The following XRCC4 variants were observed in gnomAD, a reference collection of about 807,000 sequenced individuals.
XRCC4 encodes the protein DNA repair protein XRCC4.
XRCC4 carries 28 observed loss-of-function variants against 39.1 expected under a neutral mutation model. The ratio of observed to expected loss-of-function variants is 0.72; its 90% CI spans 0.53 to 0.98. The LOEUF (loss-of-function observed/expected upper bound fraction) is 0.98. Ranked by LOEUF, XRCC4 falls within the 50% of genes least tolerant of loss-of-function variation. The pLI is 0.00. For synonymous variants in XRCC4, 123 were observed against 126.4 expected (o/e 0.97, Z 0.18); for missense variants, 350 against 376.4 (o/e 0.93, Z 0.58).
At chr5:83,173,861 C>T (rs975512500) in intron 3 of XRCC4, among the ~76,000 whole-genome samples, 3 of 152,110 alleles carry the variant, frequency 2.0e-5, no homozygotes, top group Non-Finnish European at 2.9e-5. Flanking sequence ...CTTAGAATCC[C>T]TTTGGGAAGA....
chr5:83,200,559 C>T (rs555274095), intron 4 of XRCC4, among the ~76,000 whole-genome samples: 1 of 151,752 alleles, frequency 6.6e-6, no homozygotes, highest in African/African-American at 2.4e-5. Context: ...TGTGTCATAC[C>T]AAATGTTAAT....
chr5:83,203,613 C>G lies in XRCC4; in HGVS notation c.544C>G (p.Leu182Val). Reference protein sequence around the residue: ...LETDLYKRFILVLNEKKTKIR... With the variant: ...LETDLYKRFIVVLNEKKTKIR... ...GACTGATCTTTATAAGCGGTTTATT[C>G]TGGTGTTGAATGAGAAGAAAACAAA... The change falls in exon 5 of 8, where the codon CTG becomes GTG. Residue 182 changes from leucine (L) to valine (V), a missense_variant. Leu to Val is a conservative substitution (Grantham distance 32). Coordinates refer to ENST00000396027, the MANE Select transcript of XRCC4 (RefSeq NM_003401.5). 1 of 1,611,408 alleles carries G rather than the reference C, an allele frequency of 6.2e-7. No individual in the cohort carries two copies. Among genetic ancestry groups the G allele is most frequent in the South Asian group, 1.1e-5 (1 of 90,296 alleles).
intron 7 of XRCC4, among the ~76,000 whole-genome samples, chr5:83,273,815 T>C (rs1754228363): frequency 6.6e-6 from 1 of 152,168 alleles, no homozygotes; most frequent in Non-Finnish European, 1.5e-5. Flanking sequence ...TTTTGGTTAC[T>C]GTAGCCTTGT....
intron 7 of XRCC4, among the ~76,000 whole-genome samples, chr5:83,298,674 AG>A (rs1466510114): frequency 6.6e-6 from 1 of 151,504 alleles, no homozygotes; most frequent in African/African-American, 2.4e-5. Flanking sequence ...CTCATCTAGT[AG>A]TTTTTATCTT....
intron 7 of XRCC4, among the ~76,000 whole-genome samples, chr5:83,338,850 A>T (rs1756670056): frequency 6.6e-6 from 1 of 152,176 alleles, no homozygotes; most frequent in Non-Finnish European, 1.5e-5. Flanking sequence ...TTCTGTATGG[A>T]TTTGATTGAC....
chr5:83,284,676 C>T (rs937970063), intron 7 of XRCC4, among the ~76,000 whole-genome samples: 2 of 151,990 alleles, frequency 1.3e-5, no homozygotes, highest in Non-Finnish European at 2.9e-5. Flanking sequence ...ACTTGAATTT[C>T]ATGTAAATAT....
At chr5:83,345,610 G>A (rs1371369025) in intron 7 of XRCC4, among the ~76,000 whole-genome samples, 7 of 152,026 alleles carry the variant, frequency 4.6e-5, no homozygotes, top group East Asian at 1.9e-4. Context: ...ACACCTTGAC[G>A]TATTTCAGAA....
intron 4 of XRCC4, chr5:83,202,042 C>T (rs1447521261): frequency 8.5e-6 from 1 of 117,830 alleles, no homozygotes; most frequent in Admixed American, 9.0e-5. Context: ...AAGTCTGTCT[C>T]AAAAAAAAAA....
intron 6 of XRCC4, among the ~76,000 whole-genome samples, chr5:83,216,542 A>G (rs1388626987): frequency 6.6e-6 from 1 of 152,176 alleles, no homozygotes; most frequent in African/African-American, 2.4e-5. Context: ...AGTAATAATA[A>G]CTCCAAACTG....
chr5:83,110,979 T>C, intron 2 of XRCC4, 49 bp from the exon 3 acceptor site: 1 of 1,522,614 alleles, frequency 6.6e-7, no homozygotes, highest in South Asian at 1.2e-5. Context: ...TTTTCTCATG[T>C]GTAGTCATTT....
chr5:83,242,162 TTGTGTGTGTG>T (rs60919474), intron 6 of XRCC4, among the ~76,000 whole-genome samples: 28 of 145,368 alleles, frequency 1.9e-4, no homozygotes, highest in South Asian at 9.0e-4. Flanking sequence ...CGTATACACA[TTGTGTGTGTG>T]TGTGTGTGTG....
At chr5:83,253,284 C>T (rs945909543) in intron 6 of XRCC4, among the ~76,000 whole-genome samples, 12 of 152,146 alleles carry the variant, frequency 7.9e-5, no homozygotes, top group South Asian at 4.1e-4. Flanking sequence ...AGGATTTGAA[C>T]GCAGGGCTAA....
At chr5:83,328,809 G>T (rs1032009556) in intron 7 of XRCC4, among the ~76,000 whole-genome samples, 15 of 152,060 alleles carry the variant, frequency 9.9e-5, no homozygotes, top group Admixed American at 9.2e-4. Flanking sequence ...ATAAAGGAAA[G>T]AATGGAGCAA....
rs1282753818 is a variant in XRCC4, at chr5:83,095,279, A to G, written c.-10-9631A>G. On this transcript the variant is annotated intron_variant, in intron 1 of 7. Transcript: ENST00000396027. ...AATCAGGCCGAGCTGCTGAATGGAC[A>G]CAGAAATTTCCTCTGATCAGCCTTG... is the stretch of plus-strand genomic sequence containing the variant. 2.0e-5 allele frequency among the ~76,000 whole-genome samples: 3 copies of G among 152,138 alleles called. No homozygotes were observed. In the East Asian group the frequency reaches 5.8e-4, roughly 29 times the overall value.
intron 6 of XRCC4, among the ~76,000 whole-genome samples, chr5:83,238,765 G>A (rs925308536): frequency 6.6e-6 from 1 of 151,872 alleles, no homozygotes; most frequent in Admixed American, 6.6e-5. Context: ...TAGCTAAATG[G>A]CCTTCGGGTT....
chr5:83,103,488 G>C (rs1382373), intron 1 of XRCC4, among the ~76,000 whole-genome samples: 73,734 of 151,884 alleles, frequency 0.49, 18,662 homozygotes, highest in African/African-American at 0.61. Context: ...CTGGTACAAC[G>C]CTTTTAGAAA....
chr5:83,276,226 C>CATG (rs1443988758), intron 7 of XRCC4, among the ~76,000 whole-genome samples: 12 of 152,214 alleles, frequency 7.9e-5, no homozygotes, highest in African/African-American at 2.9e-4. Context: ...TTGAATAACT[C>CATG]ATGTATTTTA....
chr5:83,196,821 A>G (rs1038969324), intron 4 of XRCC4, among the ~76,000 whole-genome samples: 1 of 151,918 alleles, frequency 6.6e-6, no homozygotes, highest in Middle Eastern at 3.5e-3. Context: ...TTTATCCAAC[A>G]TATTTAGGGT....
chr5:83,223,890 A>T (rs930267348), intron 6 of XRCC4, among the ~76,000 whole-genome samples: 9 of 127,322 alleles, frequency 7.1e-5, no homozygotes, highest in Non-Finnish European at 1.2e-4. Context: ...GGTCCTTGTG[A>T]TAGTTTGCTG....
Sources: gnomAD v4.1 joint callset for allele counts (sites outside exome capture counted in the v4.1 genomes callset) on GRCh38, gnomAD v4.1.1 for gene constraint, MANE v1.5 for transcripts, NCBI Gene and HGNC (gene_info 2026-07-23, HGNC 2026-07-21) for gene names.